The following ZNF318 variants were observed in gnomAD, a reference collection of about 807,000 sequenced individuals.
ZNF318 encodes zinc finger protein 318.
In ZNF318, 51 loss-of-function variants were observed where a neutral mutation model predicts 124.2. The observed-to-expected ratio is 0.41, with a 90% CI of 0.33 to 0.52. The LOEUF (loss-of-function observed/expected upper bound fraction) is 0.52, where lower values mean the gene tolerates loss of function less well. Among genes scored for constraint, ZNF318 ranks in the 20% least tolerant of loss-of-function variants. The pLI is 0.23. For synonymous variants in ZNF318, 1,090 were observed against 1,040.7 expected, an observed-to-expected ratio of 1.05 and a Z score of -0.91; for missense variants, 2,815 against 2,811.2, an observed-to-expected ratio of 1.00 and a Z score of -0.03.
chr6:43,355,605 C>T lies in ZNF318; in HGVS notation c.1729G>A (p.Val577Ile), dbSNP rs372015875. 9.3e-6 allele frequency: 15 copies of T among 1,614,068 alleles called. No homozygotes were observed. The African/African-American group carries it at 1.9e-4, about 20-fold the overall frequency. The change falls in exon 4 of 10, where the codon GTA (valine) becomes ATA (isoleucine). Residue 577 changes from valine (V) to isoleucine (I), a missense_variant. Physicochemically the swap from Val to Ile is conservative, Grantham distance 29 (BLOSUM62 3). Coordinates refer to ENST00000361428, the MANE Select transcript of ZNF318 (RefSeq NM_014345.3). ...GTCTCTTCTAGTGATTCTAGCTTTA[C>T]AGCTGGAGCTGAAGACGGCAGGGAG... ...ASSLPSSAPA[V>I]KLESLEETNP...
At position 43,369,467 on chromosome 6, in the gene ZNF318, G is replaced by A; in HGVS notation, c.-102C>T. Reference sequence around the variant, plus strand: ...AGCTGCAGCCGCCGCCACCTCGGCCGCTGCGCGCCGCCTCAGCCGCGGGAG... The same window carrying A: ...AGCTGCAGCCGCCGCCACCTCGGCCACTGCGCGCCGCCTCAGCCGCGGGAG... On this transcript the variant is annotated 5_prime_UTR_variant, in exon 1 of 10. Transcript: ENST00000361428. 13 of 969,314 alleles carry A rather than the reference G, an allele frequency of 1.3e-5. No homozygotes were observed. Among genetic ancestry groups the A allele is most frequent in the Non-Finnish European group, 1.7e-5 (13 of 784,036 alleles). The allele number at this position is 969,314 out of a possible 1,614,324, so 60.0% of individuals were successfully genotyped here.
chr6:43,356,674 A>G (rs899533019), intron 3 of ZNF318, among the ~76,000 whole-genome samples: 1 of 152,122 alleles, frequency 6.6e-6, no homozygotes, highest in African/African-American at 2.4e-5. Flanking sequence ...TGACTTGTCT[A>G]AAAATCACAG....
At position 43,354,914 on chromosome 6, in the gene ZNF318, G is replaced by T. The variant is rs775537780; in HGVS notation, c.2420C>A (p.Thr807Asn). The T allele has an allele frequency of 3.7e-6, 6 of 1,612,422 alleles. No individual in the cohort carries two copies. Among genetic ancestry groups the T allele is most frequent in the Non-Finnish European group, 5.1e-6 (6 of 1,178,804 alleles). The change falls in exon 4 of 10, where the codon ACC (threonine) becomes AAC (asparagine). Residue 807 changes from threonine to asparagine, a missense_variant. Physicochemically the swap from Thr to Asn is moderately conservative, Grantham distance 65. This residue lies in a region of ZNF318 where 1,377 missense variants were observed against 1,353.5 expected (regional missense o/e 1.02). Coordinates refer to ENST00000361428, the MANE Select transcript of ZNF318 (RefSeq NM_014345.3). ...YAASRWPMYP[T>N]SQPSNHPVPE... is the part of the protein sequence containing the mutation. ...TACAGGGTGGTTTGACGGTTGAGAG[G>T]TGGGATACATGGGCCATCTGGAGGC...
At chr6:43,341,740 A>G (rs1248275217) in intron 8 of ZNF318, among the ~76,000 whole-genome samples, 2 of 152,180 alleles carry the variant, frequency 1.3e-5, no homozygotes, top group Non-Finnish European at 2.9e-5. Context: ...ACAATGACTC[A>G]AAATATTGTA....
At position 43,369,223 on chromosome 6, in the gene ZNF318, G is replaced by A. The variant is rs1228226835; in HGVS notation, c.143C>T (p.Ser48Phe). Residue 48 changes from serine (S) to phenylalanine (F), a missense_variant, in exon 1 of 10, where the codon TCC (serine) becomes TTC (phenylalanine). Physicochemically the swap from Ser to Phe is radical, Grantham distance 155. Coordinates refer to ENST00000361428, the MANE Select transcript of ZNF318 (RefSeq NM_014345.3). Reference sequence around the variant, plus strand: ...TCGGCGAGCCGGGGTCCGCGACGAGGAGCCGGAGGGCGGAGGCGGCGGTGA... The same window carrying A: ...TCGGCGAGCCGGGGTCCGCGACGAGAAGCCGGAGGGCGGAGGCGGCGGTGA... ...RSSPPPPPSG[S>F]SSRTPARRPR... is the part of the protein sequence containing the mutation. 5 of 1,221,562 alleles carry A rather than the reference G, an allele frequency of 4.1e-6. No individual in the cohort carries two copies. The Admixed American group carries it at 1.3e-4, about 32-fold the overall frequency. The allele number at this position is 1,221,562 out of a possible 1,614,324, so 75.7% of individuals were successfully genotyped here. A position where few individuals can be genotyped will look rare whatever the true frequency, so the allele number is the denominator to read the frequency against.
In ZNF318 at chr6:43,342,790, G is replaced by A. The variant is rs1400606504; in HGVS notation, c.3162C>T (p.Pro1054=). 6 of 1,614,058 alleles carry A rather than the reference G, an allele frequency of 3.7e-6. No homozygotes were observed. The highest frequency in any genetic ancestry group is 5.1e-6 in the Non-Finnish European group (6 of 1,180,008). ...CATCATAATACTCATAAGCAGCAGT[G>A]GGCTGATCCAACTGCTTAGTGGCTG... ...PQSATKQLDQ[P]TAAYEYYDAG... is the part of the protein sequence containing the mutation. Residue 1054 remains proline, a synonymous_variant, in exon 7 of 10, where the codon CCC becomes CCT. Transcript: ENST00000361428.
chr6:43,352,551 T>C, intron 4 of ZNF318, 75 bp from the exon 5 acceptor site: 1 of 1,344,064 alleles, frequency 7.4e-7, no homozygotes, highest in Non-Finnish European at 1.1e-6. Flanking sequence ...CCAGAAGCCT[T>C]CTTCCTAGAC....
At chr6:43,346,386 C>A (rs1291550202) in intron 6 of ZNF318, among the ~76,000 whole-genome samples, 1 of 151,576 alleles carries the variant, frequency 6.6e-6, no homozygotes, top group African/African-American at 2.4e-5. Context: ...CAGGCTGAGG[C>A]AGAAGAATTG....
chr6:43,347,450 T>G (rs770215875), intron 6 of ZNF318, among the ~76,000 whole-genome samples: 1 of 152,194 alleles, frequency 6.6e-6, no homozygotes, highest in African/African-American at 2.4e-5. Context: ...GAATTTGTAA[T>G]TGATTGCATA....
At chr6:43,368,368 T>C (rs576785407) in intron 1 of ZNF318, among the ~76,000 whole-genome samples, 1 of 152,324 alleles carries the variant, frequency 6.6e-6, no homozygotes, top group Admixed American at 6.5e-5. Context: ...TAAAATAATG[T>C]GCAAAGTGAA....
intron 5 of ZNF318, among the ~76,000 whole-genome samples, chr6:43,349,265 G>A (rs1185791533): frequency 1.3e-5 from 2 of 152,074 alleles, no homozygotes; most frequent in Non-Finnish European, 2.9e-5. Context: ...TATGAATTTA[G>A]CAGTTGTCCT....
rs1372457477 is a variant in ZNF318, at chr6:43,355,778, C to T, written c.1556G>A (p.Ser519Asn). Residue 519 changes from serine to asparagine, a missense_variant, in exon 4 of 10, where the codon AGT becomes AAT. Around this residue, in one of 4 missense-constraint regions of ZNF318, gnomAD observed 1,377 missense variants for 1,353.5 expected, o/e 1.02. Transcript: ENST00000361428. ...GCTACGTCGCCTTTTTTCCTGTGTA[C>T]TGGTAGAATCAGCCAACATGCTCAG... ...RILSMLADSTSTQEKRRRSFP... is the reference protein window; with the variant it reads ...RILSMLADSTNTQEKRRRSFP... 6.2e-7 allele frequency: 1 copy of T among 1,614,102 alleles called. No homozygotes were observed. The highest frequency in any genetic ancestry group is 8.5e-7 in the Non-Finnish European group (1 of 1,180,046).
rs761330324 is a variant in ZNF318 at position 43,352,418 on chromosome 6, T to G, written c.2729A>C (p.Tyr910Ser). ...NDREARQKKM[Y>S]YLRTELERLH... ...CCGCTCTAACTCGGTCCTAAGATAG[T>G]ACATCTTCTTCTGGCGGGCTTCCCG... is the stretch of plus-strand genomic sequence containing the variant. Residue 910 changes from tyrosine (Y) to serine (S), a missense_variant, in exon 5 of 10, where the codon TAC becomes TCC. Transcript: ENST00000361428. 4 of 1,614,150 alleles carry G rather than the reference T, an allele frequency of 2.5e-6. No homozygotes were observed. The highest frequency in any genetic ancestry group is 3.4e-6 in the Non-Finnish European group (4 of 1,180,014).
Position 43,337,911 on chromosome 6 carries a change from T to G in ZNF318, c.6087A>C (p.Val2029=). ...CAGTTGGGGATCTATGTGCTGGGCT[T>G]ACCCGAGTAGTGCAGAAATCAACAG... The part of the protein sequence containing the change: ...DMPVDFCTTR[V]SPAHRSPTVL... Residue 2029 remains valine (V), a synonymous_variant, in exon 10 of 10, where the codon GTA becomes GTC. Coordinates refer to ENST00000361428, the MANE Select transcript of ZNF318 (RefSeq NM_014345.3). The G allele has an allele frequency of 1.2e-6, 2 of 1,614,230 alleles. No individual in the cohort carries two copies. Among genetic ancestry groups the G allele is most frequent in the Non-Finnish European group, 8.5e-7 (1 of 1,180,032 alleles).
In ZNF318 at chr6:43,354,877, G is replaced by T; in HGVS notation, c.2457C>A (p.His819Gln). 1 of 1,614,186 alleles carries T rather than the reference G, an allele frequency of 6.2e-7. No individual in the cohort carries two copies. The highest frequency in any genetic ancestry group is 8.5e-7 in the Non-Finnish European group (1 of 1,180,006). ...CTTGTTTGGTTATTGGCATTATCCT[G>T]TGTGGTTCAGGTACAGGGTGGTTTG... ...QPSNHPVPEP[H>Q]RIMPITKQAT... is the part of the protein sequence containing the mutation. Residue 819 changes from histidine to glutamine, a missense_variant, in exon 4 of 10, where the codon CAC (histidine) becomes CAA (glutamine). By Grantham distance (24) the His-to-Gln change is conservative. Coordinates refer to ENST00000361428, the MANE Select transcript of ZNF318 (RefSeq NM_014345.3).
In ZNF318 at chr6:43,356,117, G is replaced by C. The variant is rs1390536739; in HGVS notation, c.1217C>G (p.Ser406Cys). 1.9e-6 allele frequency: 3 copies of C among 1,612,652 alleles called. No homozygotes were observed. The highest frequency in any genetic ancestry group is 2.5e-6 in the Non-Finnish European group (3 of 1,179,534). The stretch of plus-strand genomic sequence containing the variant: ...AGAGTAGAGAGGGTGATCCTGGCTG[G>C]AGCTGGTACTGCTGGAAAAACTCTC... ...QLESFSSSTS[S>C]SQDHPLYSGH... is the part of the protein sequence containing the mutation. The change falls in exon 4 of 10, where the codon TCC becomes TGC. Residue 406 changes from serine (S) to cysteine (C), a missense_variant. Physicochemically the swap from Ser to Cys is moderately radical, Grantham distance 112. Coordinates refer to ENST00000361428, the MANE Select transcript of ZNF318 (RefSeq NM_014345.3).
chr6:43,341,055 G>A (rs908332144), intron 8 of ZNF318, 147 bp from the exon 9 acceptor site: 1 of 634,102 alleles, frequency 1.6e-6, no homozygotes, highest in African/African-American at 1.8e-5. Context: ...GTATTTAGAT[G>A]AATCCCAATG....
At chr6:43,340,698 A>G (rs1195933151) in intron 9 of ZNF318, 92 bp downstream of exon 9, 6 of 1,533,866 alleles carry the variant, frequency 3.9e-6, no homozygotes, top group Non-Finnish European at 5.4e-6. Context: ...TTGAAGTGTC[A>G]ATGGCTTTTT....
At position 43,354,703 on chromosome 6, in the gene ZNF318, C is replaced by G. The variant is rs770375654; in HGVS notation, c.2631G>C (p.Lys877Asn). The change falls in exon 4 of 10, where the codon AAG becomes AAC. Residue 877 changes from lysine (K) to asparagine (N), a missense_variant. Lys to Asn is a moderately conservative substitution (Grantham distance 94). Around this residue, in one of 4 missense-constraint regions of ZNF318, gnomAD observed 1,377 missense variants for 1,353.5 expected, o/e 1.02. Transcript: ENST00000361428. ...IPSLIRYNPE[K>N]ISDEKNRASQ... ...AAGCACGGTTCTTCTCATCAGAGAT[C>G]TTCTCTGGATTATATCTTATGAGTG... 1.2e-6 allele frequency: 2 copies of G among 1,612,842 alleles called. No individual in the cohort carries two copies. The highest frequency in any genetic ancestry group is 1.7e-6 in the Non-Finnish European group (2 of 1,179,552).
Sources: gnomAD v4.1 joint callset for allele counts (sites outside exome capture counted in the v4.1 genomes callset) on GRCh38, gnomAD v4.1.1 for gene constraint, gnomAD v4.1.1 regional missense constraint, MANE v1.5 for transcripts, NCBI Gene and HGNC (gene_info 2026-07-23, HGNC 2026-07-21) for gene names.